MAGI3: variants seen among roughly 807,000 people sequenced by gnomAD.
MAGI3 encodes membrane-associated guanylate kinase, WW and PDZ domain-containing protein 3.
Under a neutral mutation model 121.8 loss-of-function variants are expected in MAGI3, and 43 were observed. The ratio of observed to expected loss-of-function variants is 0.35; its 90% CI spans 0.28 to 0.46. MAGI3 has a LOEUF of 0.46. Ranked by LOEUF, MAGI3 falls within the 20% of genes least tolerant of loss-of-function variation. The pLI is 1.00. For missense variants in MAGI3, 1,547 were observed against 1,797.3 expected, an observed-to-expected ratio of 0.86 and a Z score of 2.52; for synonymous variants, 553 against 639.3, an observed-to-expected ratio of 0.86 and a Z score of 2.04.
rs1352579199 is a variant in MAGI3 at position 113,580,612 on chromosome 1, C to G, written c.504C>G (p.Phe168Leu). The G allele has an allele frequency of 1.2e-6, 2 of 1,611,208 alleles. No individual in the cohort carries two copies. Among genetic ancestry groups the G allele is most frequent in the East Asian group, 4.5e-5 (2 of 44,690 alleles). The change falls in exon 3 of 21, where the codon TTC (phenylalanine) becomes TTG (leucine). Residue 168 changes from phenylalanine to leucine, a missense_variant. By Grantham distance (22) the Phe-to-Leu change is conservative. Coordinates refer to ENST00000307546, the MANE Select transcript of MAGI3 (RefSeq NM_001142782.2). The stretch of plus-strand genomic sequence containing the variant: ...ATAATTTCATTTCCGTTGAACAGTT[C>G]AAAGCACTGGAAGAGAGTGGAGCAT... ...VDYNFISVEQ[F>L]KALEESGALL...
At chr1:113,475,434 G>A (rs1655767057) in intron 1 of MAGI3, among the ~76,000 whole-genome samples, 1 of 152,134 alleles carries the variant, frequency 6.6e-6, no homozygotes, top group South Asian at 2.1e-4. Context: ...TTTATTGAGA[G>A]TTTTTAGCAT....
intron 1 of MAGI3, among the ~76,000 whole-genome samples, chr1:113,423,420 C>T (rs368180745): frequency 1.4e-4 from 21 of 152,000 alleles, no homozygotes; most frequent in South Asian, 2.1e-4. Context: ...TACAGGCGCC[C>T]GCCACTACGC....
chr1:113,562,340 T>A (rs980583362), intron 2 of MAGI3, among the ~76,000 whole-genome samples: 5 of 152,066 alleles, frequency 3.3e-5, no homozygotes, highest in Non-Finnish European at 7.4e-5. Context: ...GAGGTGGAGC[T>A]TGCAATGAGC....
chr1:113,624,377 C>T (rs1651088554), intron 9 of MAGI3, among the ~76,000 whole-genome samples: 1 of 152,136 alleles, frequency 6.6e-6, no homozygotes, highest in Non-Finnish European at 1.5e-5. Flanking sequence ...TTGTTATTGC[C>T]TGTCTTTTGG....
intron 1 of MAGI3, among the ~76,000 whole-genome samples, chr1:113,415,620 T>G (rs112793110): frequency 4.7e-4 from 72 of 152,096 alleles, no homozygotes; most frequent in African/African-American, 1.7e-3. Flanking sequence ...TCCATGATGA[T>G]ATCTCCTATT....
chr1:113,633,783 T>C lies in MAGI3; in HGVS notation c.1361-8128T>C, dbSNP rs896728889. ...GGATGGCTGGGTCAAATGGTATTTC[T>C]AGTTCTAGATCCCTGAGGAATCACC... On this transcript the variant is annotated intron_variant, in intron 9 of 20. Coordinates refer to ENST00000307546, the MANE Select transcript of MAGI3 (RefSeq NM_001142782.2). Among the ~76,000 whole-genome samples the C allele has an allele frequency of 3.9e-4, 59 of 152,342 alleles. 1 individual carries two copies. Among genetic ancestry groups the C allele is most frequent in the African/African-American group, 1.4e-3 (58 of 41,582 alleles).
In MAGI3 at chr1:113,607,760, C is replaced by G. The variant is rs1352665913; in HGVS notation, c.1019-6841C>G. Among the ~76,000 whole-genome samples, 7 of 152,164 alleles carry G rather than the reference C, an allele frequency of 4.6e-5. No individual in the cohort carries two copies. The South Asian group carries it at 1.4e-3, about 31-fold the overall frequency. The stretch of plus-strand genomic sequence containing the variant: ...ATTATGTAAGACCAAATTAATCTTT[C>G]TAAAACTAATTTTCTATCTATCTCT... On this transcript the variant is annotated intron_variant, in intron 6 of 20. Transcript: ENST00000307546.
intron 1 of MAGI3, among the ~76,000 whole-genome samples, chr1:113,418,762 G>A (rs955241814): frequency 2.0e-5 from 3 of 151,980 alleles, no homozygotes; most frequent in Non-Finnish European, 2.9e-5. Context: ...ACACCTGTTT[G>A]CACTTATGTA....
intron 1 of MAGI3, among the ~76,000 whole-genome samples, chr1:113,535,631 G>A (rs1446113688): frequency 6.6e-6 from 1 of 152,106 alleles, no homozygotes; most frequent in Non-Finnish European, 1.5e-5. Context: ...GCAAGTATAT[G>A]TTAATAGATA....
chr1:113,565,297 A>T (rs2101694303), intron 2 of MAGI3, among the ~76,000 whole-genome samples: 1 of 152,314 alleles, frequency 6.6e-6, no homozygotes, highest in Middle Eastern at 3.4e-3. Context: ...AAACATCCTC[A>T]TATCGGGCAT....
chr1:113,491,126 G>A (rs967002631), intron 1 of MAGI3, among the ~76,000 whole-genome samples: 1 of 152,140 alleles, frequency 6.6e-6, no homozygotes. Context: ...CACATAAGTG[G>A]AAGTAAAACA....
chr1:113,440,718 C>G (rs761238598), intron 1 of MAGI3, among the ~76,000 whole-genome samples: 2 of 152,096 alleles, frequency 1.3e-5, no homozygotes, highest in Non-Finnish European at 2.9e-5. Flanking sequence ...TTGTACAGTT[C>G]TGGTGGTGGT....
intron 1 of MAGI3, among the ~76,000 whole-genome samples, chr1:113,402,352 C>A (rs966785398): frequency 6.6e-6 from 1 of 151,978 alleles, no homozygotes; most frequent in Admixed American, 6.6e-5. Context: ...GCATTTTAAG[C>A]CTTTATAATG....
chr1:113,475,488 A>T (rs1345361165), intron 1 of MAGI3, among the ~76,000 whole-genome samples: 1 of 152,166 alleles, frequency 6.6e-6, no homozygotes, highest in Non-Finnish European at 1.5e-5. Context: ...CTATTGAGAT[A>T]ATCATGTGGT....
At chr1:113,585,693 A>T in intron 4 of MAGI3, 97 bp downstream of exon 4, 3 of 1,017,762 alleles carry the variant, frequency 2.9e-6, no homozygotes, top group Non-Finnish European at 4.3e-6. Context: ...AAGCATATGG[A>T]GAGCAAGTGA....
At chr1:113,665,149 T>A (rs910215391) in intron 16 of MAGI3, among the ~76,000 whole-genome samples, 4 of 152,188 alleles carry the variant, frequency 2.6e-5, no homozygotes, top group Admixed American at 2.6e-4. Flanking sequence ...TTAATCCATC[T>A]GGAGCCTACC....
At chr1:113,594,356 C>A in intron 5 of MAGI3, 125 bp from the exon 6 acceptor site, 1 of 705,432 alleles carries the variant, frequency 1.4e-6, no homozygotes. Context: ...CTGAGGAATA[C>A]AAATGGAGCC....
intron 1 of MAGI3, among the ~76,000 whole-genome samples, chr1:113,464,158 C>A: frequency 6.6e-6 from 1 of 151,910 alleles, no homozygotes; most frequent in Admixed American, 6.6e-5. Context: ...TCTTCCTTGC[C>A]CATATACTTC....
chr1:113,678,445 T>C (rs1251263159), intron 19 of MAGI3, among the ~76,000 whole-genome samples: 1 of 152,202 alleles, frequency 6.6e-6, no homozygotes, highest in Non-Finnish European at 1.5e-5. Flanking sequence ...TTACTTTGGT[T>C]TTATTAAGGT....
Sources: gnomAD v4.1 joint callset for allele counts (sites outside exome capture counted in the v4.1 genomes callset) on GRCh38, gnomAD v4.1.1 for gene constraint, MANE v1.5 for transcripts, NCBI Gene and HGNC (gene_info 2026-07-23, HGNC 2026-07-21) for gene names.